The following CASP8 variants were observed in gnomAD, a reference collection of about 807,000 sequenced individuals.
CASP8 encodes the protein caspase 8, also known as caspase-8.
In CASP8, 24 loss-of-function variants were observed where a neutral mutation model predicts 46.3. The observed-to-expected ratio is 0.52, with a 90% CI of 0.38 to 0.73. The LOEUF (loss-of-function observed/expected upper bound fraction) is 0.73. CASP8 is among the 30% of genes least tolerant of loss of function. The probability of loss-of-function intolerance (pLI) is 0.00; values close to 1 mark genes in which losing one functional copy is unlikely to be tolerated. For synonymous variants in CASP8, 188 were observed against 200.4 expected (o/e 0.94, Z 0.52); for missense variants, 460 against 559.0 (o/e 0.82, Z 1.79).
rs765944330 is a variant in CASP8 at position 201,271,638 on chromosome 2, T to A, written c.411+17T>A. ...GATGACATGGTAAGACCTGGTATCT[T>A]ACTGAGATTTAGTCCTGAGACTTGG... On this transcript the variant is annotated intron_variant, in intron 3 of 8. Transcript: ENST00000673742. 1.5e-5 allele frequency: 21 copies of A among 1,438,040 alleles called. No individual in the cohort carries two copies. The South Asian group carries it at 2.3e-4, about 16-fold the overall frequency. 89.1% of individuals were successfully genotyped at this position (1,438,040 alleles called of 1,614,324 possible).
chr2:201,258,520 C>T, upstream of CASP8: 1 of 976,996 alleles, frequency 1.0e-6, no homozygotes, highest in Non-Finnish European at 1.6e-6. Flanking sequence ...TGGGTGCTGC[C>T]TGGCCCAGGT....
intron 2 of CASP8, among the ~76,000 whole-genome samples, chr2:201,239,253 A>G (rs926929741): frequency 1.4e-4 from 22 of 151,994 alleles, no homozygotes; most frequent in Non-Finnish European, 1.6e-4. Flanking sequence ...CGCCATTGTC[A>G]TCATGGCCCG....
intron 2 of CASP8, among the ~76,000 whole-genome samples, chr2:201,236,999 C>G: frequency 6.6e-6 from 1 of 151,882 alleles, no homozygotes; most frequent in Non-Finnish European, 1.5e-5. Flanking sequence ...TTCGTAGTCT[C>G]TGATTCTCTT....
intron 2 of CASP8, among the ~76,000 whole-genome samples, chr2:201,239,196 T>A (rs1201947991): frequency 1.3e-5 from 2 of 152,212 alleles, no homozygotes; most frequent in African/African-American, 4.8e-5. Context: ...AACCATCCAA[T>A]TTCTCAATCT....
intron 2 of CASP8, among the ~76,000 whole-genome samples, chr2:201,237,354 G>A (rs1242673855): frequency 6.7e-6 from 1 of 148,314 alleles, no homozygotes; most frequent in African/African-American, 2.5e-5. Flanking sequence ...GCTTCCCAAA[G>A]TGCTGGGATT....
In CASP8 at chr2:201,287,601, T is replaced by C. The variant is rs899962969; in HGVS notation, c.*1007T>C. 2 of 154,756 alleles carry C rather than the reference T, an allele frequency of 1.3e-5. No individual in the cohort carries two copies. Among genetic ancestry groups the C allele is most frequent in the Non-Finnish European group, 2.9e-5 (2 of 68,220 alleles). The allele number at this position is 154,756 out of a possible 1,614,324, so 9.6% of individuals were successfully genotyped here. A position where few individuals can be genotyped will look rare whatever the true frequency, so the allele number is the denominator to read the frequency against. Reference sequence around the variant, plus strand: ...TTTTTATGCATTTGCATTTGCTCTTTCATCTCTGCTTGGATTATTTTAAAT... The same window carrying C: ...TTTTTATGCATTTGCATTTGCTCTTCCATCTCTGCTTGGATTATTTTAAAT... On this transcript the variant is annotated 3_prime_UTR_variant, in exon 9 of 9. Transcript: ENST00000673742.
upstream of CASP8, chr2:201,258,109 CG>C: frequency 9.0e-7 from 1 of 1,111,072 alleles, no homozygotes; most frequent in East Asian, 2.4e-5. Flanking sequence ...CTCTTTCTCT[CG>C]GAGACCAGAT....
intron 5 of CASP8, among the ~76,000 whole-genome samples, chr2:201,273,647 A>T (rs780174580): frequency 6.6e-6 from 1 of 151,430 alleles, no homozygotes; most frequent in Non-Finnish European, 1.5e-5. Flanking sequence ...GCTCTCAACG[A>T]TCTCCTTCAA....
rs2125153986 is a variant in CASP8, at chr2:201,266,615, G to A, written c.129G>A (p.Met43Ile). The change falls in exon 2 of 9, where the codon ATG becomes ATA. Residue 43 changes from methionine (M) to isoleucine (I), a missense_variant. By Grantham distance (10) the Met-to-Ile change is conservative. Transcript: ENST00000673742. This position sits in a 1 kb window ranked among gnomAD's most constrained non-coding sequence, Gnocchi z 5.7. ...AAGAACCCATCAAGGATGCCTTGAT[G>A]TTATTCCAGAGACTCCAGGAAAAGA... ...RKQEPIKDAL[M>I]LFQRLQEKRM... 1 of 1,614,208 alleles carries A rather than the reference G, an allele frequency of 6.2e-7. No homozygotes were observed. The highest frequency in any genetic ancestry group is 8.5e-7 in the Non-Finnish European group (1 of 1,180,030).
chr2:201,234,629 T>C (rs1377306587), intron 2 of CASP8, among the ~76,000 whole-genome samples: 1 of 150,906 alleles, frequency 6.6e-6, no homozygotes. Context: ...TTTTTTTTTG[T>C]ATTTTTAGTA....
At chr2:201,277,131 A>G in intron 7 of CASP8, 163 bp downstream of exon 7, 1 of 558,768 alleles carries the variant, frequency 1.8e-6, no homozygotes, top group Non-Finnish European at 3.2e-6. Flanking sequence ...TACATTTATC[A>G]GTTTCCTGCT....
At chr2:201,273,448 T>C (rs1487123783) in intron 5 of CASP8, among the ~76,000 whole-genome samples, 1 of 152,206 alleles carries the variant, frequency 6.6e-6, no homozygotes, top group Non-Finnish European at 1.5e-5. Context: ...ACATCATTTT[T>C]TCTATGTGGC....
intron 1 of CASP8, among the ~76,000 whole-genome samples, chr2:201,264,102 C>T (rs1178787368): frequency 6.6e-6 from 1 of 152,198 alleles, no homozygotes; most frequent in Non-Finnish European, 1.5e-5. Context: ...ATGTAGATCA[C>T]GCAGGCTCAA....
rs1251300077 is a variant in CASP8 at position 201,239,750 on chromosome 2, G to A, written c.-27+5638G>A. Among the ~76,000 whole-genome samples, 5 of 152,166 alleles carry A rather than the reference G, an allele frequency of 3.3e-5. No homozygotes were observed. The South Asian group carries it at 6.2e-4, about 19-fold the overall frequency. On this transcript the variant is annotated intron_variant, in intron 2 of 6. Transcript: ENST00000264274. ...TCCCTGTTGAGGCGTCACGGGTGGC[G>A]GGCAATCCTTACCCGGATCCTCCCA...
chr2:201,270,531 G>A (rs984309371), intron 2 of CASP8, among the ~76,000 whole-genome samples: 10 of 152,150 alleles, frequency 6.6e-5, no homozygotes, highest in Non-Finnish European at 1.3e-4. Context: ...TGGCCACTAG[G>A]GGACTTGAAC....
intron 7 of CASP8, among the ~76,000 whole-genome samples, chr2:201,279,275 A>G (rs1204125106): frequency 2.6e-5 from 4 of 152,218 alleles, no homozygotes; most frequent in Admixed American, 2.6e-4. Flanking sequence ...TTCTCATAAA[A>G]TTGAACCAGA....
intron 2 of CASP8, among the ~76,000 whole-genome samples, chr2:201,245,014 C>T (rs1441788669): frequency 1.3e-5 from 2 of 152,178 alleles, no homozygotes; most frequent in Non-Finnish European, 2.9e-5. Flanking sequence ...AGTCACTTAA[C>T]CCTGTCCTTC....
At chr2:201,261,549 T>C (rs1391521840) in intron 1 of CASP8, among the ~76,000 whole-genome samples, 1 of 152,182 alleles carries the variant, frequency 6.6e-6, no homozygotes, top group African/African-American at 2.4e-5. Flanking sequence ...GATGGGATTA[T>C]ATGTTTTGCT....
In CASP8 at chr2:201,283,299, G is replaced by A. The variant is rs1266225597; in HGVS notation, c.803-1517G>A. Among the ~76,000 whole-genome samples the A allele has an allele frequency of 1.3e-4, 11 of 85,378 alleles. 1 individual carries two copies. The highest frequency in any genetic ancestry group is 4.6e-4 in the African/African-American group (11 of 24,016). 56.0% of individuals were successfully genotyped at this position (85,378 alleles called of 152,430 possible). A position where few individuals can be genotyped will look rare whatever the true frequency, so the allele number is the denominator to read the frequency against. ...CCCCCACCTCCCTCCTGGACGGGGC[G>A]ACTGGCCGGGCAGAGGGGCTCCTCA... On this transcript the variant is annotated intron_variant, in intron 7 of 8. Transcript: ENST00000673742.
Sources: allele counts gnomAD v4.1 joint callset (sites outside exome capture counted in the v4.1 genomes callset), GRCh38; gene constraint gnomAD v4.1.1; non-coding constraint Gnocchi (gnomAD v3.1); transcripts MANE v1.5; gene names NCBI Gene and HGNC (gene_info 2026-07-23, HGNC 2026-07-21).